Variants in P4HA3 observed in about 807,000 individuals in gnomAD.
The protein encoded by P4HA3 is prolyl 4-hydroxylase subunit alpha 3.
In P4HA3, 60 loss-of-function variants were observed where a neutral mutation model predicts 66.7. The observed-to-expected ratio is 0.90, with a 90% CI of 0.73 to 1.12. P4HA3 has a LOEUF of 1.12. P4HA3 is among the 50% of genes most tolerant of loss of function. P4HA3 has a pLI of 0.00. For missense variants in P4HA3, 683 were observed against 685.8 expected (o/e 1.00, Z 0.05); for synonymous variants, 263 against 274.6 (o/e 0.96, Z 0.42).
intron 10 of P4HA3, among the ~76,000 whole-genome samples, chr11:74,272,745 A>G (rs1465143985): frequency 6.6e-6 from 1 of 152,248 alleles, no homozygotes; most frequent in African/African-American, 2.4e-5. Flanking sequence ...CAAGGACTTC[A>G]TCTTTGGTTG....
In P4HA3 at chr11:74,279,398, T is replaced by C. The variant is rs564768424; in HGVS notation, c.1165A>G (p.Ile389Val). 1.2e-6 allele frequency: 2 copies of C among 1,613,908 alleles called. No individual in the cohort carries two copies. The highest frequency in any genetic ancestry group is 1.7e-5 in the Admixed American group (1 of 59,996). The change falls in exon 8 of 13, where the codon ATC becomes GTC. Residue 389 changes from isoleucine to valine, a missense_variant. Coordinates refer to ENST00000331597, the MANE Select transcript of P4HA3 (RefSeq NM_182904.5). ...GEKQLQVEYRISKSAWLKDTV... is the reference protein window; with the variant it reads ...GEKQLQVEYRVSKSAWLKDTV... ...AAGGGCCCTTCTTACCTTTTGCTGA[T>C]GCGGTACTCCACTTGTAACTGCTTC...
intron 4 of P4HA3, among the ~76,000 whole-genome samples, chr11:74,296,587 G>A (rs545886347): frequency 6.6e-6 from 1 of 152,290 alleles, no homozygotes; most frequent in South Asian, 2.1e-4. Flanking sequence ...ACTTCACAAA[G>A]TAGGTGACAT....
At chr11:74,250,750 A>T in intron 15 of P4HA3, 1 of 568,288 alleles carries the variant, frequency 1.8e-6, no homozygotes, top group Non-Finnish European at 3.2e-6. Context: ...ATAGGACAGA[A>T]GGAAAAAGTG....
rs531352508 is a variant in P4HA3 at position 74,288,975 on chromosome 11, A to G, written c.769+104T>C. On this transcript the variant is annotated intron_variant, in intron 5 of 12. Coordinates refer to ENST00000331597, the MANE Select transcript of P4HA3 (RefSeq NM_182904.5). The stretch of plus-strand genomic sequence containing the variant: ...AAAAAAAAAAAAAAAAAGATAATAA[A>G]GATAGATAGCTGTATTTCTCTTGCA... 4.8e-5 allele frequency: 38 copies of G among 792,116 alleles called. No individual in the cohort carries two copies. The South Asian group carries it at 1.4e-3, about 29-fold the overall frequency. 49.1% of individuals were successfully genotyped at this position (792,116 alleles called of 1,614,324 possible).
chr11:74,251,037 G>A, intron 15 of P4HA3: 1 of 1,579,206 alleles, frequency 6.3e-7, no homozygotes, highest in South Asian at 1.2e-5. Context: ...GGTGCTCAGT[G>A]ACTGTAAAAG....
At chr11:74,287,523 G>A (rs1050680311) in intron 5 of P4HA3, among the ~76,000 whole-genome samples, 1 of 152,078 alleles carries the variant, frequency 6.6e-6, no homozygotes, top group Non-Finnish European at 1.5e-5. Context: ...ATAAAGAAGG[G>A]TTGGATTATA....
intron 15 of P4HA3, chr11:74,255,950 GTGCCCTCTTGTCC>G (rs1859821357): frequency 3.9e-6 from 2 of 516,572 alleles, no homozygotes; most frequent in Non-Finnish European, 7.7e-6. Context: ...GCTGAGCTAT[GTGCCCTCTTGTCC>G]ACAAGAGGGC....
intron 9 of P4HA3, 70 bp downstream of exon 9, chr11:74,276,915 T>A: frequency 6.9e-7 from 1 of 1,451,266 alleles, no homozygotes; most frequent in South Asian, 1.4e-5. Context: ...CTACAAGAGC[T>A]CTGCCTCAGA....
intron 7 of P4HA3, among the ~76,000 whole-genome samples, chr11:74,279,765 T>C (rs886414043): frequency 6.6e-5 from 10 of 152,220 alleles, no homozygotes; most frequent in Non-Finnish European, 1.5e-4. Flanking sequence ...TCTGTAAGAC[T>C]GTGAGTTAGG....
Position 74,302,413 on chromosome 11 carries a change from G to T in P4HA3, c.523C>A (p.Arg175=). The change falls in exon 3 of 13, where the codon CGG becomes AGG. Residue 175 remains arginine, a synonymous_variant. Transcript: ENST00000331597. ...TCATCCCCTGTGAGAGAAAAGAGCC[G>T]TTTGGGGCTGTACAGGTCAGTGATG... ...SAITDLYSPK[R]LFSLTGDDCF... The T allele has an allele frequency of 6.2e-7, 1 of 1,614,056 alleles. No individual in the cohort carries two copies. The highest frequency in any genetic ancestry group is 8.5e-7 in the Non-Finnish European group (1 of 1,180,024).
At chr11:74,259,636 C>T (rs1859878553) in intron 15 of P4HA3, among the ~76,000 whole-genome samples, 1 of 152,188 alleles carries the variant, frequency 6.6e-6, no homozygotes, top group Non-Finnish European at 1.5e-5. Context: ...TGCTTTTGGT[C>T]TCTGAATTTG....
In P4HA3 at chr11:74,304,344, A is replaced by C; in HGVS notation, c.269T>G (p.Phe90Cys). 6.2e-7 allele frequency: 1 copy of C among 1,614,122 alleles called. No homozygotes were observed. Among genetic ancestry groups the C allele is most frequent in the Non-Finnish European group, 8.5e-7 (1 of 1,179,998 alleles). Reference protein sequence around the residue: ...TTPVANPLLAFTLIKRLQSDW... With the variant: ...TTPVANPLLACTLIKRLQSDW... ...AGACTGCAGGCGTTTGATGAGAGTA[A>C]ATGCAAGCAGAGGGTTAGCCACAGG... Residue 90 changes from phenylalanine (F) to cysteine (C), a missense_variant, in exon 2 of 13, where the codon TTT (phenylalanine) becomes TGT (cysteine). Transcript: ENST00000331597.
intron 8 of P4HA3, among the ~76,000 whole-genome samples, chr11:74,279,025 CA>C (rs1394986136): frequency 6.6e-6 from 1 of 152,096 alleles, no homozygotes; most frequent in Admixed American, 6.5e-5. Context: ...GTCATGCTTT[CA>C]ATATGAGTCA....
chr11:74,289,111 G>A lies in P4HA3; in HGVS notation c.737C>T (p.Ala246Val), dbSNP rs1380879738. Residue 246 changes from alanine to valine, a missense_variant, in exon 5 of 13, where the codon GCC becomes GTC. Coordinates refer to ENST00000331597, the MANE Select transcript of P4HA3 (RefSeq NM_182904.5). ...AAGAAACTCCCGAGAGAGGCTGAGGGCACACGAAACATTTCCTGCCTGTTA... is the reference window on the plus strand; with the variant it reads ...AAGAAACTCCCGAGAGAGGCTGAGGACACACGAAACATTTCCTGCCTGTTA... ...AYFRAGNVSC[A>V]LSLSREFLLY... 3 of 1,580,194 alleles carry A rather than the reference G, an allele frequency of 1.9e-6. No individual in the cohort carries two copies. The highest frequency in any genetic ancestry group is 1.2e-5 in the South Asian group (1 of 84,888).
At chr11:74,262,945 G>T (rs146492952), downstream of P4HA3, among the ~76,000 whole-genome samples, 2 of 152,344 alleles carry the variant, frequency 1.3e-5, no homozygotes, top group Non-Finnish European at 2.9e-5. Flanking sequence ...CTCCCCTGTT[G>T]TGTGTGAAAG....
At chr11:74,250,582 A>C (rs1859632198) in intron 15 of P4HA3, 1 of 175,142 alleles carries the variant, frequency 5.7e-6, no homozygotes, top group East Asian at 1.5e-4. Flanking sequence ...TCCCTTTCTT[A>C]TGCTCTTACA....
At chr11:74,285,599 T>C (rs928458668) in intron 7 of P4HA3, 2 of 529,322 alleles carry the variant, frequency 3.8e-6, no homozygotes, top group Non-Finnish European at 6.7e-6. Flanking sequence ...GAGAATCCTC[T>C]TGTACATCAT....
In P4HA3 at chr11:74,279,678, A is replaced by C. The variant is rs57806017; in HGVS notation, c.1111-226T>G. On this transcript the variant is annotated intron_variant, in intron 7 of 12. Coordinates refer to ENST00000331597, the MANE Select transcript of P4HA3 (RefSeq NM_182904.5). ...CGTAGAGTTGAAAATAACCTTTAAC[A>C]CTGTGTCTAGTCGACAGTAAGCACT... is the stretch of plus-strand genomic sequence containing the variant. 2.1e-3 allele frequency among the ~76,000 whole-genome samples: 325 copies of C among 152,272 alleles called. 3 individuals carry two copies. The highest frequency in any genetic ancestry group is 7.5e-3 in the African/African-American group (311 of 41,542).
chr11:74,311,556 C>T lies in P4HA3; in HGVS notation c.56G>A (p.Gly19Glu). Residue 19 changes from glycine to glutamate, a missense_variant, in exon 1 of 13, where the codon GGA (glycine) becomes GAA (glutamate). Coordinates refer to ENST00000331597, the MANE Select transcript of P4HA3 (RefSeq NM_182904.5). The stretch of plus-strand genomic sequence containing the variant: ...CCGAGCCGCAGCCCTTTCTGGGTCT[C>T]CTGTCCCGAGCGCCAGCACCGCCAG... ...ALLAVLALGTGDPERAAARGD... is the reference protein window; with the variant it reads ...ALLAVLALGTEDPERAAARGD... The T allele has an allele frequency of 1.3e-6, 2 of 1,542,034 alleles. No homozygotes were observed. Among genetic ancestry groups the T allele is most frequent in the Non-Finnish European group, 1.7e-6 (2 of 1,154,824 alleles).
Sources: allele counts gnomAD v4.1 joint callset (sites outside exome capture counted in the v4.1 genomes callset), GRCh38; gene constraint gnomAD v4.1.1; transcripts MANE v1.5; gene names NCBI Gene and HGNC (gene_info 2026-07-23, HGNC 2026-07-21).